The following MLST8 variants were observed in gnomAD, a reference collection of about 807,000 sequenced individuals.
The protein encoded by MLST8 is MTOR associated protein MLST8, also known as target of rapamycin complex subunit LST8.
Under a neutral mutation model 41.3 loss-of-function variants are expected in MLST8, and 20 were observed. The ratio of observed to expected loss-of-function variants is 0.48; its 90% CI spans 0.34 to 0.70. The LOEUF (loss-of-function observed/expected upper bound fraction) is 0.70, where lower values mean the gene tolerates loss of function less well. Among genes scored for constraint, MLST8 ranks in the 30% least tolerant of loss-of-function variants. The pLI, the probability that MLST8 is intolerant of heterozygous loss-of-function variation, is 0.01. For synonymous variants in MLST8, 243 were observed against 183.0 expected, an observed-to-expected ratio of 1.33 and a Z score of -2.65; for missense variants, 422 against 454.3, an observed-to-expected ratio of 0.93 and a Z score of 0.65.
rs771311622 is a variant in MLST8, at chr16:2,208,797, A to G, written c.901A>G (p.Thr301Ala). The change falls in exon 9 of 9, where the codon ACT (threonine) becomes GCT (alanine). Residue 301 changes from threonine to alanine, a missense_variant. By Grantham distance (58) the Thr-to-Ala change is moderately conservative. Coordinates refer to ENST00000569417, the MANE Select transcript of MLST8 (RefSeq NM_022372.6). ...CCTGGCCCGGCTCTGGTGTGTGGAG[A>G]CTGGAGAGATCAAGAGAGAGTATGG... ...DNLARLWCVETGEIKREYGGH... is the reference protein window; with the variant it reads ...DNLARLWCVEAGEIKREYGGH... 8 of 1,613,778 alleles carry G rather than the reference A, an allele frequency of 5.0e-6. No individual in the cohort carries two copies. The highest frequency in any genetic ancestry group is 5.9e-6 in the Non-Finnish European group (7 of 1,179,858).
chr16:2,205,917 T>C (rs903983988), intron 1 of MLST8, 114 bp from the exon 2 acceptor site: 1 of 1,441,236 alleles, frequency 6.9e-7, no homozygotes, highest in Non-Finnish European at 9.1e-7. Context: ...TACCTGCGCT[T>C]CTTGTCCCAA....
chr16:2,208,096 C>T (rs2093331332), intron 6 of MLST8, 114 bp from the exon 7 acceptor site: 1 of 1,319,216 alleles, frequency 7.6e-7, no homozygotes, highest in Non-Finnish European at 1.0e-6. Context: ...CTGCCTGCCC[C>T]TCACCCGGGG....
rs755615527 is a variant in MLST8, at chr16:2,209,370, G to A, written c.*493G>A. ...TGGGCCAGGTCGGGGGCTCAGTCTG[G>A]GAGGTAATAAAAGCAGACCGACACG... On this transcript the variant is annotated 3_prime_UTR_variant, in exon 9 of 9. Coordinates refer to ENST00000569417, the MANE Select transcript of MLST8 (RefSeq NM_022372.6). 3 of 1,612,750 alleles carry A rather than the reference G, an allele frequency of 1.9e-6. No individual in the cohort carries two copies. The South Asian group carries it at 3.3e-5, about 18-fold the overall frequency.
chr16:2,207,057 CG>C lies in MLST8; in HGVS notation c.369del (p.Ile124SerfsTer4). The C allele has an allele frequency of 6.2e-7, 1 of 1,613,596 alleles. No homozygotes were observed. Among genetic ancestry groups the C allele is most frequent in the Non-Finnish European group, 8.5e-7 (1 of 1,179,986 alleles). On this transcript the variant is annotated frameshift_variant, in exon 5 of 9. Transcript: ENST00000569417. LOFTEE classifies it high-confidence loss of function. ...CAGGTCCCGGAACCTGCAGTGCCAGCGGATCTTCCAGGTGAACGCACCCATT... is the reference window on the plus strand; with the variant it reads ...CAGGTCCCGGAACCTGCAGTGCCAGCGATCTTCCAGGTGAACGCACCCATT... ...DLRSRNLQCQRIFQVNAPINC... is the reference protein window; with the variant it reads ...DLRSRNLQCQXIFQVNAPINC...
At position 2,209,208 on chromosome 16, in the gene MLST8, G is replaced by T. The variant is rs559554053; in HGVS notation, c.*331G>T. The T allele has an allele frequency of 9.8e-5, 73 of 744,586 alleles. 3 individuals carry two copies. In the South Asian group the frequency reaches 1.3e-3, roughly 13 times the overall value. 46.1% of individuals were successfully genotyped at this position (744,586 alleles called of 1,614,324 possible). A position where few individuals can be genotyped will look rare whatever the true frequency, so the allele number is the denominator to read the frequency against. ...GCTAGTGTGTTCTCTGCCCCTCCCT[G>T]CCCGCGTTTCAGGGCCTCGGTCCAT... On this transcript the variant is annotated 3_prime_UTR_variant, in exon 9 of 9. Coordinates refer to ENST00000569417, the MANE Select transcript of MLST8 (RefSeq NM_022372.6).
At position 2,208,791 on chromosome 16, in the gene MLST8, G is replaced by C. The variant is rs1353340265; in HGVS notation, c.895G>C (p.Val299Leu). Reference sequence around the variant, plus strand: ...GGACAACCTGGCCCGGCTCTGGTGTGTGGAGACTGGAGAGATCAAGAGAGA... The same window carrying C: ...GGACAACCTGGCCCGGCTCTGGTGTCTGGAGACTGGAGAGATCAAGAGAGA... ...SSDNLARLWC[V>L]ETGEIKREYG... Residue 299 changes from valine to leucine, a missense_variant, in exon 9 of 9, where the codon GTG becomes CTG. By Grantham distance (32) the Val-to-Leu change is conservative. Transcript: ENST00000569417. 6.2e-7 allele frequency: 1 copy of C among 1,614,044 alleles called. No homozygotes were observed.
rs777355358 is a variant in MLST8, at chr16:2,206,015, A to C, written c.-55-16A>C. 2 of 1,518,566 alleles carry C rather than the reference A, an allele frequency of 1.3e-6. No individual in the cohort carries two copies. Among genetic ancestry groups the C allele is most frequent in the Non-Finnish European group, 1.8e-6 (2 of 1,131,848 alleles). The allele number at this position is 1,518,566 out of a possible 1,614,324, so 94.1% of individuals were successfully genotyped here. A position where few individuals can be genotyped will look rare whatever the true frequency, so the allele number is the denominator to read the frequency against. The stretch of plus-strand genomic sequence containing the variant: ...ACAGAGAGTGTCTTCTAAGTACTTC[A>C]CATCCTTCTCTGCAGATGCTCTGAC... On this transcript the variant is annotated splice_polypyrimidine_tract_variant and intron_variant, in intron 1 of 8. Coordinates refer to ENST00000569417, the MANE Select transcript of MLST8 (RefSeq NM_022372.6).
rs758935951 is a variant in MLST8 at position 2,208,236 on chromosome 16, G to A, written c.600G>A (p.Thr200=). 14 of 1,612,972 alleles carry A rather than the reference G, an allele frequency of 8.7e-6. No individual in the cohort carries two copies. The highest frequency in any genetic ancestry group is 2.2e-5 in the East Asian group (1 of 44,870). ...STGNCYVWNL[T]GGIGDEVTQL... The stretch of plus-strand genomic sequence containing the variant: ...GAAACTGCTATGTCTGGAATCTGAC[G>A]GGGGGCATTGGTGACGAGGTGACCC... The change falls in exon 7 of 9, where the codon ACG becomes ACA. Residue 200 remains threonine, a synonymous_variant. Transcript: ENST00000569417.
At position 2,209,013 on chromosome 16, in the gene MLST8, C is replaced by A; in HGVS notation, c.*136C>A. 1.1e-6 allele frequency: 1 copy of A among 931,182 alleles called. No homozygotes were observed. Among genetic ancestry groups the A allele is most frequent in the African/African-American group, 1.6e-5 (1 of 61,560 alleles). 57.7% of individuals were successfully genotyped at this position (931,182 alleles called of 1,614,324 possible). A position where few individuals can be genotyped will look rare whatever the true frequency, so the allele number is the denominator to read the frequency against. On this transcript the variant is annotated 3_prime_UTR_variant, in exon 9 of 9. Transcript: ENST00000569417. ...TGGCCCCCTGTGGCGCCTTGACCTG[C>A]TGGGCCAGGCTGCCCTGGGACTCTC...
chr16:2,207,352 C>T lies in MLST8; in HGVS notation c.573+7C>T, dbSNP rs376458916. 4 of 1,612,812 alleles carry T rather than the reference C, an allele frequency of 2.5e-6. No homozygotes were observed. Among genetic ancestry groups the T allele is most frequent in the African/African-American group, 2.7e-5 (2 of 74,904 alleles). The stretch of plus-strand genomic sequence containing the variant: ...GGCAGCTGTCAATAGCACCGTGAGT[C>T]CTGGTGGCAGGTGCTGGGTGCGGGC... On this transcript the variant is annotated splice_region_variant and intron_variant, in intron 6 of 8. Coordinates refer to ENST00000569417, the MANE Select transcript of MLST8 (RefSeq NM_022372.6).
At chr16:2,207,647 C>T (rs1164835114) in intron 6 of MLST8, 9 of 436,596 alleles carry the variant, frequency 2.1e-5, no homozygotes, top group Non-Finnish European at 3.8e-5. Flanking sequence ...GACACACTCT[C>T]TGAGGCTTCC....
rs199768716 is a variant in MLST8, at chr16:2,209,441, C to A, written c.*564C>A. On this transcript the variant is annotated 3_prime_UTR_variant, in exon 9 of 9. Coordinates refer to ENST00000569417, the MANE Select transcript of MLST8 (RefSeq NM_022372.6). Reference sequence around the variant, plus strand: ...GATGTCGATGCAGAGATAAATCAGCCGCTGTCTCCGGGGCCCTGTGGCGAG... The same window carrying A: ...GATGTCGATGCAGAGATAAATCAGCAGCTGTCTCCGGGGCCCTGTGGCGAG... 1.2e-6 allele frequency: 2 copies of A among 1,613,746 alleles called. No individual in the cohort carries two copies. Among genetic ancestry groups the A allele is most frequent in the Non-Finnish European group, 8.5e-7 (1 of 1,180,006 alleles).
intron 1 of MLST8, 94 bp from the exon 2 acceptor site, chr16:2,205,937 G>A: frequency 3.5e-6 from 5 of 1,448,354 alleles, no homozygotes; most frequent in Non-Finnish European, 4.6e-6. Context: ...ACTCTAAAAT[G>A]GGAATGATAA....
chr16:2,208,917 G>A lies in MLST8; in HGVS notation c.*40G>A. On this transcript the variant is annotated 3_prime_UTR_variant, in exon 9 of 9. Transcript: ENST00000569417. ...GGACTGCCTGGTGCAGGTGGTGGCA[G>A]CTGGAGGGACCCATGCAGCACCCAG... 1 of 1,603,030 alleles carries A rather than the reference G, an allele frequency of 6.2e-7. No individual in the cohort carries two copies. The highest frequency in any genetic ancestry group is 8.5e-7 in the Non-Finnish European group (1 of 1,174,884).
In MLST8 at chr16:2,208,461, C is replaced by G. The variant is rs754434276; in HGVS notation, c.710C>G (p.Thr237Ser). 6.2e-7 allele frequency: 1 copy of G among 1,612,916 alleles called. No individual in the cohort carries two copies. Among genetic ancestry groups the G allele is most frequent in the Non-Finnish European group, 8.5e-7 (1 of 1,179,834 alleles). Residue 237 changes from threonine (T) to serine (S), a missense_variant, in exon 8 of 9, where the codon ACC becomes AGC. Coordinates refer to ENST00000569417, the MANE Select transcript of MLST8 (RefSeq NM_022372.6). ...TGCCCACCCACTAGGCTCCTCGCCA[C>G]CTGCTCGGCTGATCAGACGTGCAAG... The part of the protein sequence containing the change: ...RFSPDSTLLA[T>S]CSADQTCKIW...
rs576914666 is a variant in MLST8, at chr16:2,205,717, G to A, written c.-56+205G>A. ...GCAGCCGCAGCGCTCGGCTTTCCCC[G>A]GCCCATCCGCCGCCTTGCGCACGCG... On this transcript the variant is annotated intron_variant, in intron 1 of 8. Coordinates refer to ENST00000569417, the MANE Select transcript of MLST8 (RefSeq NM_022372.6). The A allele has an allele frequency of 7.0e-3, 7,020 of 1,002,012 alleles. 28 individuals are homozygous for A. The highest frequency in any genetic ancestry group is 7.7e-3 in the Non-Finnish European group (6,436 of 840,916). The allele number at this position is 1,002,012 out of a possible 1,614,324, so 62.1% of individuals were successfully genotyped here.
At chr16:2,207,931 C>G (rs2093327895) in intron 6 of MLST8, 1 of 365,612 alleles carries the variant, frequency 2.7e-6, no homozygotes, top group South Asian at 5.6e-5. Context: ...AGCTGGTGCC[C>G]TTCTCCTGTC....
rs554164754 is a variant in MLST8 at position 2,205,785 on chromosome 16, C to T, written c.-55-246C>T. The T allele has an allele frequency of 6.6e-5, 70 of 1,066,874 alleles. No individual in the cohort carries two copies. The South Asian group carries it at 2.3e-3, about 35-fold the overall frequency. 66.1% of individuals were successfully genotyped at this position (1,066,874 alleles called of 1,614,324 possible). On this transcript the variant is annotated intron_variant, in intron 1 of 8. Coordinates refer to ENST00000569417, the MANE Select transcript of MLST8 (RefSeq NM_022372.6). ...AGAGTGGCGCCCGCGCGTGACTCCC[C>T]CCTGCCGGCTGCGGAGGTGGGGGGG...
rs2093352953 is a variant in MLST8 at position 2,208,915 on chromosome 16, C to T, written c.*38C>T. On this transcript the variant is annotated 3_prime_UTR_variant, in exon 9 of 9. Transcript: ENST00000569417. ...CGGGACTGCCTGGTGCAGGTGGTGG[C>T]AGCTGGAGGGACCCATGCAGCACCC... is the stretch of plus-strand genomic sequence containing the variant. 1.2e-6 allele frequency: 2 copies of T among 1,603,430 alleles called. No homozygotes were observed. The highest frequency in any genetic ancestry group is 1.7e-6 in the Non-Finnish European group (2 of 1,174,994).
Sources: gnomAD v4.1 joint callset for allele counts on GRCh38, gnomAD v4.1.1 for gene constraint, MANE v1.5 for transcripts, NCBI Gene and HGNC (gene_info 2026-07-23, HGNC 2026-07-21) for gene names.